Variants in PLEKHA6 observed in about 807,000 individuals in gnomAD.
PLEKHA6 encodes the protein pleckstrin homology domain containing A6, also known as pleckstrin homology domain-containing family A member 6.
Under a neutral mutation model 116.7 loss-of-function variants are expected in PLEKHA6, and 60 were observed. The ratio of observed to expected loss-of-function variants is 0.51; its 90% confidence interval spans 0.42 to 0.64. PLEKHA6 has a LOEUF of 0.64. PLEKHA6 is among the 30% of genes least tolerant of loss of function. The pLI, the probability that PLEKHA6 is intolerant of heterozygous loss-of-function variation, is 0.00. For synonymous variants in PLEKHA6, 489 were observed against 556.1 expected (o/e 0.88, Z 1.70); for missense variants, 1,338 against 1,422.7 (o/e 0.94, Z 0.96).
intron 7 of PLEKHA6, among the ~76,000 whole-genome samples, chr1:204,260,976 C>T (rs577236269): frequency 6.6e-6 from 1 of 152,308 alleles, no homozygotes; most frequent in East Asian, 1.9e-4. Flanking sequence ...GTTTATTTTC[C>T]TCCAAAGGCG....
intron 1 of PLEKHA6, among the ~76,000 whole-genome samples, chr1:204,375,317 C>T (rs1673849754): frequency 6.6e-6 from 1 of 152,104 alleles, no homozygotes; most frequent in South Asian, 2.1e-4. Flanking sequence ...TGCAGTGTTT[C>T]CCCACTAACC....
chr1:204,281,696 C>T (rs1668637628), intron 1 of PLEKHA6, among the ~76,000 whole-genome samples: 1 of 152,212 alleles, frequency 6.6e-6, no homozygotes, highest in Admixed American at 6.5e-5. Context: ...GTCACCCAGC[C>T]TTGTATTTGC....
intron 1 of PLEKHA6, among the ~76,000 whole-genome samples, chr1:204,328,046 TTTTATTTATTTATTTATTTA>T (rs200664605): frequency 6.5e-4 from 93 of 142,522 alleles, no homozygotes; most frequent in Admixed American, 1.0e-3. Flanking sequence ...CTTTTATTTA[TTTTATTTATTTATTTATTTA>T]TTTATTTATT....
chr1:204,368,012 C>CA (rs1341313040), intron 2 of PLEKHA6, among the ~76,000 whole-genome samples: 1 of 152,210 alleles, frequency 6.6e-6, no homozygotes, highest in Non-Finnish European at 1.5e-5. Context: ...CCATTCCATC[C>CA]TTTTTTGTCC....
In PLEKHA6 at chr1:204,259,121, T is replaced by C. The variant is rs1219718800; in HGVS notation, c.1007+137A>G. Reference sequence around the variant, plus strand: ...CAGGATTTGGGCAAGCCAGGAAGCATGGGATTTGCTTGGTTTCCCAACTCA... The same window carrying C: ...CAGGATTTGGGCAAGCCAGGAAGCACGGGATTTGCTTGGTTTCCCAACTCA... On this transcript the variant is annotated intron_variant, in intron 8 of 22. Coordinates refer to ENST00000272203, the MANE Select transcript of PLEKHA6 (RefSeq NM_014935.5). This position sits in a 1 kb window ranked among gnomAD's most constrained non-coding sequence, Gnocchi z 4.6. The C allele has an allele frequency of 1.0e-6, 1 of 976,558 alleles. No homozygotes were observed. Among genetic ancestry groups the C allele is most frequent in the Admixed American group, 2.6e-5 (1 of 38,006 alleles). 60.5% of individuals were successfully genotyped at this position (976,558 alleles called of 1,614,324 possible).
At chr1:204,357,883 C>T (rs552182615) in intron 1 of PLEKHA6, among the ~76,000 whole-genome samples, 16 of 152,350 alleles carry the variant, frequency 1.1e-4, no homozygotes, top group Admixed American at 5.2e-4. Flanking sequence ...GATGTCAGCC[C>T]GGGAGCCAAG....
At chr1:204,328,152 G>A (rs1381027403) in intron 1 of PLEKHA6, among the ~76,000 whole-genome samples, 3 of 151,214 alleles carry the variant, frequency 2.0e-5, no homozygotes, top group Non-Finnish European at 2.9e-5. Flanking sequence ...GCGTGATCTC[G>A]GCTCACCACA....
chr1:204,305,450 T>C (rs993883175), intron 1 of PLEKHA6, among the ~76,000 whole-genome samples: 7 of 152,164 alleles, frequency 4.6e-5, no homozygotes, highest in Non-Finnish European at 8.8e-5. Flanking sequence ...TTTCCCATCT[T>C]CCCTACAGGA....
chr1:204,241,953 G>A (rs1291679586), intron 15 of PLEKHA6, 139 bp from the exon 16 acceptor site: 17 of 912,224 alleles, frequency 1.9e-5, no homozygotes, highest in Admixed American at 6.1e-5. Context: ...TATGTGTGCC[G>A]CCTGGGAGGC....
In PLEKHA6 at chr1:204,257,171, C is replaced by G. The variant is rs1054720287; in HGVS notation, c.1524+182G>C. Among the ~76,000 whole-genome samples, 24 of 152,266 alleles carry G rather than the reference C, an allele frequency of 1.6e-4. No homozygotes were observed. The highest frequency in any genetic ancestry group is 5.5e-4 in the African/African-American group (23 of 41,466). ...AGAGGCAAAGCCATCCCCAAGACAGCTCTCCTACAGACAGAACCACAGGCC... is the reference window on the plus strand; with the variant it reads ...AGAGGCAAAGCCATCCCCAAGACAGGTCTCCTACAGACAGAACCACAGGCC... On this transcript the variant is annotated intron_variant, in intron 9 of 22. Transcript: ENST00000272203. This position sits in a 1 kb window ranked among gnomAD's most constrained non-coding sequence, Gnocchi z 6.5.
intron 1 of PLEKHA6, among the ~76,000 whole-genome samples, chr1:204,313,146 T>C (rs1381721725): frequency 4.2e-5 from 6 of 141,340 alleles, no homozygotes; most frequent in Non-Finnish European, 9.2e-5. Flanking sequence ...CTTGAACTCC[T>C]GGCTTCAAGA....
intron 2 of PLEKHA6, among the ~76,000 whole-genome samples, chr1:204,370,520 G>A (rs1254978487): frequency 5.3e-5 from 8 of 152,202 alleles, no homozygotes; most frequent in Non-Finnish European, 1.2e-4. Flanking sequence ...AAGTACCTAG[G>A]CCTTGTGATT....
chr1:204,330,913 G>A (rs946685581), intron 1 of PLEKHA6, among the ~76,000 whole-genome samples: 5 of 152,160 alleles, frequency 3.3e-5, no homozygotes, highest in African/African-American at 7.2e-5. Context: ...CAAGCATCTC[G>A]GCCAGGCACG....
At chr1:204,285,530 C>G (rs1282787996) in intron 1 of PLEKHA6, among the ~76,000 whole-genome samples, 2 of 150,588 alleles carry the variant, frequency 1.3e-5, no homozygotes, top group Non-Finnish European at 3.0e-5. Context: ...GGCTGGAGTT[C>G]AGTAGTGCGA....
chr1:204,237,170 C>T (rs1662180169), intron 17 of PLEKHA6, among the ~76,000 whole-genome samples: 1 of 152,144 alleles, frequency 6.6e-6, no homozygotes, highest in Non-Finnish European at 1.5e-5. Flanking sequence ...AGCTCAGGTA[C>T]AACTTACAGT....
At chr1:204,233,736 A>G (rs1661552656) in intron 17 of PLEKHA6, among the ~76,000 whole-genome samples, 1 of 152,142 alleles carries the variant, frequency 6.6e-6, no homozygotes, top group Non-Finnish European at 1.5e-5. Flanking sequence ...GGCGTGAACC[A>G]CTGCACCTGG....
upstream of PLEKHA6, among the ~76,000 whole-genome samples, chr1:204,360,142 CAGG>C (rs1013960626): frequency 7.2e-5 from 11 of 152,374 alleles, no homozygotes; most frequent in Admixed American, 6.5e-4. Context: ...CTTCCACCAC[CAGG>C]AGAAGGCTGC....
intron 1 of PLEKHA6, among the ~76,000 whole-genome samples, chr1:204,375,021 AT>A (rs1161214220): frequency 6.6e-6 from 1 of 151,566 alleles, no homozygotes; most frequent in Non-Finnish European, 1.5e-5. Context: ...TCTTCTTAAC[AT>A]CCCTCTTCCT....
intron 1 of PLEKHA6, among the ~76,000 whole-genome samples, chr1:204,294,126 AT>A (rs1670039478): frequency 6.6e-5 from 10 of 152,162 alleles, no homozygotes; most frequent in Admixed American, 6.5e-4. Flanking sequence ...TGACAGCTGC[AT>A]TAAGCCAAAC....
Sources: allele counts gnomAD v4.1 joint callset (sites outside exome capture counted in the v4.1 genomes callset), GRCh38; gene constraint gnomAD v4.1.1; non-coding constraint Gnocchi (gnomAD v3.1); transcripts MANE v1.5; gene names NCBI Gene and HGNC (gene_info 2026-07-23, HGNC 2026-07-21).